PCDH7: variants seen among roughly 807,000 people sequenced by gnomAD.
PCDH7 encodes the protein protocadherin 7, also known as protocadherin-7.
Under a neutral mutation model 58.9 loss-of-function variants are expected in PCDH7, and 17 were observed. The observed-to-expected ratio is 0.29, with a 90% confidence interval of 0.20 to 0.43. The LOEUF (loss-of-function observed/expected upper bound fraction) is 0.43. PCDH7 is among the 20% of genes least tolerant of loss of function. The pLI is 1.00. For missense variants in PCDH7, 1,274 were observed against 1,441.0 expected (o/e 0.88, Z 1.88); for synonymous variants, 664 against 616.4 (o/e 1.08, Z -1.14).
chr4:30,927,323 C>T (rs1000529820), intron 2 of PCDH7, among the ~76,000 whole-genome samples: 6 of 152,104 alleles, frequency 3.9e-5, no homozygotes, highest in Admixed American at 2.0e-4. Context: ...GTGAGGAGCC[C>T]GTCTGCCCGG....
chr4:31,132,141 T>C (rs909839204), intron 3 of PCDH7, among the ~76,000 whole-genome samples: 2 of 152,202 alleles, frequency 1.3e-5, no homozygotes, highest in Admixed American at 6.5e-5. Context: ...AACATATTTG[T>C]ACTCATTAAG....
chr4:30,754,114 GCTT>G (rs757739057), intron 1 of PCDH7, among the ~76,000 whole-genome samples: 20 of 151,854 alleles, frequency 1.3e-4, no homozygotes, highest in Non-Finnish European at 2.4e-4. Flanking sequence ...GAAGCAGGTA[GCTT>G]CTTCTTATCT....
At chr4:30,937,067 G>A (rs1021805033) in intron 2 of PCDH7, among the ~76,000 whole-genome samples, 2 of 151,904 alleles carry the variant, frequency 1.3e-5, no homozygotes, top group Admixed American at 6.6e-5. Context: ...TGCATTAAGA[G>A]CCTGATTCTG....
chr4:30,803,540 A>G (rs534915431), intron 1 of PCDH7, among the ~76,000 whole-genome samples: 2 of 152,224 alleles, frequency 1.3e-5, no homozygotes, highest in South Asian at 4.1e-4. Context: ...GGCGCTCAAG[A>G]GATCCTCCTG....
intron 1 of PCDH7, among the ~76,000 whole-genome samples, chr4:30,903,885 A>T (rs1332844098): frequency 1.3e-5 from 2 of 152,156 alleles, no homozygotes; most frequent in African/African-American, 4.8e-5. Flanking sequence ...TACATGTAAA[A>T]GTAAGACTAT....
At chr4:30,980,543 G>A (rs1159903786) in intron 3 of PCDH7, among the ~76,000 whole-genome samples, 1 of 152,074 alleles carries the variant, frequency 6.6e-6, no homozygotes, top group Non-Finnish European at 1.5e-5. Context: ...TCTAACTCCA[G>A]TGTTCATGTT....
At chr4:30,854,560 A>G (rs537607662) in intron 1 of PCDH7, among the ~76,000 whole-genome samples, 1 of 151,788 alleles carries the variant, frequency 6.6e-6, no homozygotes, top group Non-Finnish European at 1.5e-5. Flanking sequence ...GAATCTTCCT[A>G]TTACTTTTTT....
intron 3 of PCDH7, among the ~76,000 whole-genome samples, chr4:31,123,090 A>T (rs1413440318): frequency 6.6e-6 from 1 of 152,090 alleles, no homozygotes; most frequent in Admixed American, 6.5e-5. Flanking sequence ...GATAAGCAAC[A>T]CTAAAATGTA....
intron 1 of PCDH7, among the ~76,000 whole-genome samples, chr4:30,787,520 T>C (rs1051294119): frequency 6.6e-6 from 1 of 152,068 alleles, no homozygotes; most frequent in African/African-American, 2.4e-5. Context: ...TCACAGACAT[T>C]TTACACAGTT....
chr4:31,069,786 A>C (rs1293236501), intron 3 of PCDH7, among the ~76,000 whole-genome samples: 4 of 122,558 alleles, frequency 3.3e-5, no homozygotes, highest in South Asian at 2.9e-4. Flanking sequence ...GTTAATTTTA[A>C]GTATTAATCC....
chr4:31,031,358 G>C (rs1754903793), intron 3 of PCDH7, among the ~76,000 whole-genome samples: 1 of 152,080 alleles, frequency 6.6e-6, no homozygotes, highest in African/African-American at 2.4e-5. Context: ...AACAAAGAAT[G>C]GTCCAACCAA....
chr4:31,063,610 T>C (rs1053199727), intron 3 of PCDH7, among the ~76,000 whole-genome samples: 5 of 151,860 alleles, frequency 3.3e-5, no homozygotes, highest in African/African-American at 1.2e-4. Context: ...GAGATAGCAG[T>C]TATTAAGTAG....
chr4:31,016,897 G>A (rs1167976718), intron 3 of PCDH7, among the ~76,000 whole-genome samples: 2 of 147,602 alleles, frequency 1.4e-5, no homozygotes, highest in Non-Finnish European at 3.0e-5. Context: ...GTGTGTGCTG[G>A]GTGTGTGTGT....
At chr4:30,955,626 G>A (rs1418844721) in intron 3 of PCDH7, among the ~76,000 whole-genome samples, 1 of 151,780 alleles carries the variant, frequency 6.6e-6, no homozygotes, top group Non-Finnish European at 1.5e-5. Context: ...TCAGCTCACT[G>A]CAACCTCCGC....
intron 3 of PCDH7, among the ~76,000 whole-genome samples, chr4:31,080,632 A>C (rs554717280): frequency 1.3e-5 from 2 of 152,284 alleles, no homozygotes; most frequent in African/African-American, 4.8e-5. Context: ...GCATTTATTC[A>C]TGCCTTATGG....
At chr4:30,731,961 T>C (rs554806580) in exon 2 of PCDH7, 1 of 152,280 alleles carries the variant, frequency 6.6e-6, no homozygotes, top group Admixed American at 6.5e-5. Flanking sequence ...TTTCCACAAA[T>C]TTGGGAACTA....
At chr4:30,838,502 T>C (rs749014590) in intron 1 of PCDH7, among the ~76,000 whole-genome samples, 7 of 152,124 alleles carry the variant, frequency 4.6e-5, no homozygotes, top group Non-Finnish European at 7.4e-5. Flanking sequence ...AGGGTTTTTT[T>C]TCCCCCTTTT....
chr4:31,053,610 C>A (rs1449872719), intron 3 of PCDH7, among the ~76,000 whole-genome samples: 1 of 152,044 alleles, frequency 6.6e-6, no homozygotes, highest in Non-Finnish European at 1.5e-5. Context: ...AGTTTGATTT[C>A]TTTATCTTCT....
chr4:30,816,525 A>G (rs570803743), intron 1 of PCDH7, among the ~76,000 whole-genome samples: 2 of 151,888 alleles, frequency 1.3e-5, no homozygotes, highest in Admixed American at 6.6e-5. Context: ...TTCTTATAAA[A>G]TAAGGTGATA....
Sources: allele counts gnomAD v4.1 joint callset (sites outside exome capture counted in the v4.1 genomes callset), GRCh38; gene constraint gnomAD v4.1.1; transcripts MANE v1.5; gene names NCBI Gene and HGNC (gene_info 2026-07-23, HGNC 2026-07-21).